C10orf53: variants seen among roughly 807,000 people sequenced by gnomAD.
C10orf53 encodes the protein chromosome 10 open reading frame 53.
A neutral mutation model predicts 9.4 loss-of-function variants in C10orf53; 8 were observed. The ratio of observed to expected loss-of-function variants is 0.85; its 90% CI spans 0.50 to 1.53. C10orf53 has a LOEUF of 1.53. Among genes scored for constraint, C10orf53 ranks in the 40% most tolerant of loss-of-function variants. The pLI, the probability that C10orf53 is intolerant of heterozygous loss-of-function variation, is 0.00. For missense variants in C10orf53, 117 were observed against 117.8 expected, an observed-to-expected ratio of 0.99 and a Z score of 0.03; for synonymous variants, 48 against 46.0, an observed-to-expected ratio of 1.04 and a Z score of -0.18.
At chr10:49,703,052 G>A (rs548880387) in intron 2 of C10orf53, among the ~76,000 whole-genome samples, 3 of 152,058 alleles carry the variant, frequency 2.0e-5, no homozygotes, top group Non-Finnish European at 2.9e-5. Flanking sequence ...GAGGGGGGTC[G>A]CCGGGGGCCT....
intron 2 of C10orf53, among the ~76,000 whole-genome samples, chr10:49,702,556 C>T (rs1284141911): frequency 1.3e-5 from 2 of 152,170 alleles, no homozygotes; most frequent in Non-Finnish European, 2.9e-5. Context: ...TCTTCTCCTG[C>T]ACTTGAACTG....
downstream of C10orf53, among the ~76,000 whole-genome samples, chr10:49,702,225 AAGGGAGGGAGGG>A (rs756785421): frequency 4.1e-4 from 31 of 75,386 alleles, no homozygotes; most frequent in East Asian, 1.8e-3. Context: ...GGAAGGAAGG[AAGGGAGGGAGGG>A]AGGGAGGGAG....
intron 1 of C10orf53, among the ~76,000 whole-genome samples, chr10:49,682,825 C>G (rs763600620): frequency 2.6e-4 from 39 of 152,220 alleles, no homozygotes; most frequent in Non-Finnish European, 2.4e-4. Flanking sequence ...CCTCTCACCT[C>G]CACCCCCAGC....
chr10:49,693,303 G>A (rs942449515), intron 1 of C10orf53, among the ~76,000 whole-genome samples: 8 of 152,142 alleles, frequency 5.3e-5, no homozygotes, highest in South Asian at 2.1e-4. Context: ...TCCTTAGGAA[G>A]CTTTCTTTTA....
chr10:49,691,238 G>C (rs1276831772), intron 1 of C10orf53, among the ~76,000 whole-genome samples: 1 of 152,208 alleles, frequency 6.6e-6, no homozygotes, highest in Non-Finnish European at 1.5e-5. Context: ...CCTTAAGCCT[G>C]CACTGGCCAC....
intron 1 of C10orf53, among the ~76,000 whole-genome samples, chr10:49,688,305 A>G (rs917693186): frequency 6.6e-5 from 10 of 152,044 alleles, no homozygotes; most frequent in African/African-American, 9.7e-5. Flanking sequence ...TTAGTCTGTC[A>G]ACACAATTTG....
At chr10:49,689,410 C>T (rs1840560667) in intron 1 of C10orf53, among the ~76,000 whole-genome samples, 1 of 152,150 alleles carries the variant, frequency 6.6e-6, no homozygotes, top group South Asian at 2.1e-4. Context: ...AATTTACCCT[C>T]GGCGGGAGAG....
Position 49,695,764 on chromosome 10 carries a change from T to C in C10orf53, c.*1162T>C, listed in dbSNP as rs1442789046. On this transcript the variant is annotated 3_prime_UTR_variant, in exon 3 of 3. Coordinates refer to ENST00000374111, the MANE Select transcript of C10orf53 (RefSeq NM_001042427.3). ...TCACTTGTCAGAGTTGATTCAGGGA[T>C]TGTGAATCACTTAGAACTCTATGGA... 6 of 152,258 alleles carry C rather than the reference T, an allele frequency of 3.9e-5. No individual in the cohort carries two copies. Among genetic ancestry groups the C allele is most frequent in the Non-Finnish European group, 5.9e-5 (4 of 68,052 alleles). 9.4% of individuals were successfully genotyped at this position (152,258 alleles called of 1,614,324 possible).
At chr10:49,694,285 T>C (rs1347710239) in intron 2 of C10orf53, 8 of 600,382 alleles carry the variant, frequency 1.3e-5, no homozygotes, top group African/African-American at 1.3e-4. Flanking sequence ...TGAGTTGATA[T>C]GCCAGCAGTG....
intron 1 of C10orf53, among the ~76,000 whole-genome samples, chr10:49,682,058 CTTTAGT>C (rs1405486002): frequency 6.6e-6 from 1 of 152,172 alleles, no homozygotes; most frequent in African/African-American, 2.4e-5. Flanking sequence ...CATAATCTAC[CTTTAGT>C]TTATGTTCAC....
intron 1 of C10orf53, among the ~76,000 whole-genome samples, chr10:49,693,114 G>A (rs930092468): frequency 6.6e-6 from 1 of 151,518 alleles, no homozygotes; most frequent in Non-Finnish European, 1.5e-5. Context: ...TATTTTTCTT[G>A]CCATTAAAAA....
downstream of C10orf53, among the ~76,000 whole-genome samples, chr10:49,700,576 A>C (rs1840674728): frequency 6.6e-6 from 1 of 152,218 alleles, no homozygotes; most frequent in Non-Finnish European, 1.5e-5. Context: ...GAGCATGGCC[A>C]GTAAACCATG....
At chr10:49,694,421 A>G in intron 2 of C10orf53, 117 bp from the exon 3 acceptor site, 1 of 1,381,408 alleles carries the variant, frequency 7.2e-7, no homozygotes, top group Non-Finnish European at 1.0e-6. Flanking sequence ...ACTAGTTAAC[A>G]TTTTACCAGC....
At chr10:49,707,439 A>G (rs547749176) in intron 2 of C10orf53, among the ~76,000 whole-genome samples, 59 of 152,324 alleles carry the variant, frequency 3.9e-4, no homozygotes, top group Non-Finnish European at 2.9e-4. Context: ...AATCAATGAC[A>G]AGCACAACCA....
chr10:49,694,135 T>C, intron 2 of C10orf53: 1 of 613,566 alleles, frequency 1.6e-6, no homozygotes, highest in Non-Finnish European at 2.8e-6. Context: ...GAAAATGAAG[T>C]GAAGCCCTGG....
chr10:49,689,647 C>T (rs937546419), intron 1 of C10orf53, among the ~76,000 whole-genome samples: 2 of 152,062 alleles, frequency 1.3e-5, no homozygotes, highest in African/African-American at 2.4e-5. Flanking sequence ...AATTGTAGTG[C>T]GTACATCATG....
downstream of C10orf53, among the ~76,000 whole-genome samples, chr10:49,699,804 A>G (rs1840667343): frequency 6.6e-6 from 1 of 152,204 alleles, no homozygotes; most frequent in Admixed American, 6.5e-5. Flanking sequence ...TTGCAGATCT[A>G]TGAAATAAAG....
At chr10:49,688,216 A>C (rs1213301749) in intron 1 of C10orf53, among the ~76,000 whole-genome samples, 1 of 151,968 alleles carries the variant, frequency 6.6e-6, no homozygotes, top group Non-Finnish European at 1.5e-5. Context: ...TCCACTGCTC[A>C]CAGCAGCTCC....
downstream of C10orf53, among the ~76,000 whole-genome samples, chr10:49,699,089 C>G (rs988595315): frequency 4.0e-5 from 6 of 148,302 alleles, no homozygotes; most frequent in South Asian, 1.1e-3. Flanking sequence ...TTTTGGCCAA[C>G]AGTAAAATTT....
Sources: gnomAD v4.1 joint callset for allele counts (sites outside exome capture counted in the v4.1 genomes callset) on GRCh38, gnomAD v4.1.1 for gene constraint, MANE v1.5 for transcripts, NCBI Gene and HGNC (gene_info 2026-07-23, HGNC 2026-07-21) for gene names.